Variants in APOL2 observed in about 807,000 individuals in gnomAD.
APOL2 encodes the protein apolipoprotein L2.
In APOL2, 8 loss-of-function variants were observed where a neutral mutation model predicts 7.1. The observed-to-expected ratio is 1.12, with a 90% CI of 0.66 to 2.03. APOL2 has a LOEUF of 2.03. Ranked by LOEUF, APOL2 falls within the 30% of genes most tolerant of loss-of-function variation. The pLI, the probability that APOL2 is intolerant of heterozygous loss-of-function variation, is 0.00. For missense variants in APOL2, 471 were observed against 415.1 expected (o/e 1.13, Z -1.17); for synonymous variants, 177 against 159.9 (o/e 1.11, Z -0.81).
rs573530472 is a variant in APOL2 at position 36,229,156 on chromosome 22, T to C, written c.138-876A>G. ...CCGCTTGCTGTCTGAGCACCGTTTG[T>C]TATCTGATCATGCTCCTCACCCCCA... On this transcript the variant is annotated intron_variant, in intron 4 of 4. Transcript: ENST00000358502. Among the ~76,000 whole-genome samples the C allele has an allele frequency of 7.2e-5, 11 of 152,318 alleles. No individual in the cohort carries two copies. In the South Asian group the frequency reaches 1.9e-3, roughly 26 times the overall value.
chr22:36,236,504 C>T, intron 1 of APOL2: 1 of 941,286 alleles, frequency 1.1e-6, no homozygotes, highest in Non-Finnish European at 1.3e-6. Flanking sequence ...ATGAAAATGA[C>T]TAATAATGAC....
chr22:36,237,222 G>C, intron 1 of APOL2: 1 of 1,382,682 alleles, frequency 7.2e-7, no homozygotes, highest in South Asian at 1.7e-5. Flanking sequence ...TGAGCCTGCA[G>C]GCTGGTCAAT....
At position 36,237,813 on chromosome 22, in the gene APOL2, T is replaced by G. The variant is rs144359781; in HGVS notation, c.-134+1628A>C. On this transcript the variant is annotated intron_variant, in intron 1 of 4. Coordinates refer to ENST00000358502, the MANE Select transcript of APOL2 (RefSeq NM_030882.4). ...GGACCCCACCTTCCTCACCGCTCCCTGCCACCACAGTCACCTTAGGTCCAG... is the reference window on the plus strand; with the variant it reads ...GGACCCCACCTTCCTCACCGCTCCCGGCCACCACAGTCACCTTAGGTCCAG... 4.3e-4 allele frequency among the ~76,000 whole-genome samples: 65 copies of G among 152,260 alleles called. No homozygotes were observed. The East Asian group carries it at 0.012, about 28-fold the overall frequency.
intron 4 of APOL2, among the ~76,000 whole-genome samples, chr22:36,228,883 T>C (rs1331808519): frequency 6.6e-6 from 1 of 151,992 alleles, no homozygotes; most frequent in Non-Finnish European, 1.5e-5. Context: ...AGGTGTGAGA[T>C]CTCAGGGAAG....
In APOL2 at chr22:36,237,475, C is replaced by T. The variant is rs1013760337; in HGVS notation, c.-134+1966G>A. The T allele has an allele frequency of 3.5e-6, 3 of 845,646 alleles. No homozygotes were observed. In the East Asian group the frequency reaches 2.0e-4, roughly 58 times the overall value. The allele number at this position is 845,646 out of a possible 1,614,324, so 52.4% of individuals were successfully genotyped here. A position where few individuals can be genotyped will look rare whatever the true frequency, so the allele number is the denominator to read the frequency against. On this transcript the variant is annotated intron_variant, in intron 1 of 4. Transcript: ENST00000358502. Reference sequence around the variant, plus strand: ...CCAGTCTGGAGTGCTTTGGGGCTATCACAGCTTGCTGTAGCCTAGAGCCCC... The same window carrying T: ...CCAGTCTGGAGTGCTTTGGGGCTATTACAGCTTGCTGTAGCCTAGAGCCCC...
At position 36,228,063 on chromosome 22, in the gene APOL2, C is replaced by G. The variant is rs773514292; in HGVS notation, c.355G>C (p.Val119Leu). The G allele has an allele frequency of 6.2e-7, 1 of 1,614,210 alleles. No homozygotes were observed. The highest frequency in any genetic ancestry group is 1.7e-5 in the Admixed American group (1 of 60,028). Residue 119 changes from valine to leucine, a missense_variant, in exon 5 of 5, where the codon GTG (valine) becomes CTG (leucine). Coordinates refer to ENST00000358502, the MANE Select transcript of APOL2 (RefSeq NM_030882.4). The part of the protein sequence containing the change: ...VHRGTTIANV[V>L]SNSVGTTSGI... The stretch of plus-strand genomic sequence containing the variant: ...GAGGTAGTGCCAACAGAGTTGGACA[C>G]CACATTGGCAATGGTGGTGCCTCTG...
Position 36,231,382 on chromosome 22 carries a change from T to A in APOL2, c.95A>T (p.Asp32Val), listed in dbSNP as rs766141451. The A allele has an allele frequency of 3.0e-5, 48 of 1,614,042 alleles. No individual in the cohort carries two copies. Among genetic ancestry groups the A allele is most frequent in the Non-Finnish European group, 4.0e-5 (47 of 1,179,988 alleles). ...RENLLQLLTD[D>V]EAWNGFVAAA... ...AGCCACGAATCCATTCCAGGCTTCATCATCAGTCAGCAGTTGTAGCAGATT... is the reference window on the plus strand; with the variant it reads ...AGCCACGAATCCATTCCAGGCTTCAACATCAGTCAGCAGTTGTAGCAGATT... Residue 32 changes from aspartate (D) to valine (V), a missense_variant, in exon 4 of 5, where the codon GAT (aspartate) becomes GTT (valine). Transcript: ENST00000358502.
At chr22:36,237,107 G>T in intron 1 of APOL2, 1 of 1,534,600 alleles carries the variant, frequency 6.5e-7, no homozygotes, top group Non-Finnish European at 8.8e-7. Flanking sequence ...CATCCTCCTG[G>T]GTCATTGTTG....
At chr22:36,235,529 C>A (rs1381956635) in intron 1 of APOL2, among the ~76,000 whole-genome samples, 2 of 151,188 alleles carry the variant, frequency 1.3e-5, no homozygotes, top group African/African-American at 2.4e-5. Context: ...ATGAAACAAA[C>A]AAAAAAAGAG....
chr22:36,231,329 A>G lies in APOL2; in HGVS notation c.137+11T>C. On this transcript the variant is annotated intron_variant, in intron 4 of 4. Transcript: ENST00000358502. ...TGGGGCGCCCCATGGAGTTAACCCC[A>G]TGGAGCTTACCTGGGCAGTTCAGCA... The G allele has an allele frequency of 2.5e-6, 4 of 1,613,634 alleles. No individual in the cohort carries two copies. Among genetic ancestry groups the G allele is most frequent in the Non-Finnish European group, 3.4e-6 (4 of 1,179,602 alleles).
In APOL2 at chr22:36,227,784, T is replaced by C. The variant is rs759962187; in HGVS notation, c.634A>G (p.Asn212Asp). 2 of 1,614,230 alleles carry C rather than the reference T, an allele frequency of 1.2e-6. No individual in the cohort carries two copies. Among genetic ancestry groups the C allele is most frequent in the Admixed American group, 3.3e-5 (2 of 60,028 alleles). ...NTPNVLTLVD[N>D]WYQVTQGIGR... ...ATCCCTTGTGTGACTTGGTACCAAT[T>C]GTCAACTAAGGTAAGAACATTGGGT... is the stretch of plus-strand genomic sequence containing the variant. The change falls in exon 5 of 5, where the codon AAT (asparagine) becomes GAT (aspartate). Residue 212 changes from asparagine to aspartate, a missense_variant. Coordinates refer to ENST00000358502, the MANE Select transcript of APOL2 (RefSeq NM_030882.4).
chr22:36,228,259 A>G lies in APOL2; in HGVS notation c.159T>C (p.Arg53=), dbSNP rs1443026442. 1 of 1,613,950 alleles carries G rather than the reference A, an allele frequency of 6.2e-7. No individual in the cohort carries two copies. The highest frequency in any genetic ancestry group is 2.2e-5 in the East Asian group (1 of 44,898). Residue 53 remains arginine (R), a synonymous_variant, in exon 5 of 5, where the codon CGT becomes CGC. Transcript: ENST00000358502. ...ELPRDEADEL[R]KALNKLASHM... ...GACTTGCAAGCTTGTTCAGAGCTTT[A>G]CGGAGCTCATCTGCCTCATCCCTGC...
intron 2 of APOL2, 46 bp downstream of exon 2, chr22:36,233,356 T>C: frequency 6.4e-7 from 1 of 1,566,204 alleles, no homozygotes; most frequent in Non-Finnish European, 8.7e-7. Flanking sequence ...ATGTCCAGAG[T>C]GTTTATCTCC....
chr22:36,233,287 G>A (rs1265673297), intron 2 of APOL2, 46 bp from the exon 3 acceptor site: 1 of 1,600,070 alleles, frequency 6.2e-7, no homozygotes, highest in South Asian at 1.1e-5. Context: ...TGAGCCTCCT[G>A]TGTACAGAGG....
chr22:36,230,470 C>T (rs1039399468), intron 4 of APOL2, among the ~76,000 whole-genome samples: 2 of 152,090 alleles, frequency 1.3e-5, no homozygotes, highest in Non-Finnish European at 2.9e-5. Context: ...AGTTTCAAGC[C>T]CTTGGTGCCT....
chr22:36,232,045 C>T (rs143785593), intron 3 of APOL2, among the ~76,000 whole-genome samples: 1 of 152,296 alleles, frequency 6.6e-6, no homozygotes, highest in East Asian at 1.9e-4. Context: ...CTCCTGGATT[C>T]GGAGAACTTC....
At chr22:36,234,195 G>A (rs2015326113) in intron 1 of APOL2, 1 of 152,220 alleles carries the variant, frequency 6.6e-6, no homozygotes. Flanking sequence ...AGAGTAGAAT[G>A]ACTAGGTCAA....
At chr22:36,230,741 G>T (rs2015192858) in intron 4 of APOL2, among the ~76,000 whole-genome samples, 1 of 151,766 alleles carries the variant, frequency 6.6e-6, no homozygotes, top group South Asian at 2.1e-4. Flanking sequence ...CATAAGCCCA[G>T]AGCCCAGGAA....
chr22:36,239,287 G>T, intron 1 of APOL2, 154 bp downstream of exon 1: 2 of 1,360,864 alleles, frequency 1.5e-6, no homozygotes, highest in East Asian at 2.7e-5. Flanking sequence ...CTCAAGCCTG[G>T]GTGCAAATCC....
Sources: gnomAD v4.1 joint callset for allele counts (sites outside exome capture counted in the v4.1 genomes callset) on GRCh38, gnomAD v4.1.1 for gene constraint, MANE v1.5 for transcripts, NCBI Gene and HGNC (gene_info 2026-07-23, HGNC 2026-07-21) for gene names.